The following CAMTA1 variants were observed in gnomAD, a reference collection of about 807,000 sequenced individuals.
CAMTA1 encodes the protein calmodulin binding transcription activator 1.
Under a neutral mutation model 170.9 loss-of-function variants are expected in CAMTA1, and 27 were observed. That is an observed-to-expected ratio of 0.16 (90% CI 0.12 to 0.22). The LOEUF is 0.22. Among genes scored for constraint, CAMTA1 ranks in the 10% least tolerant of loss-of-function variants. The pLI, the probability that CAMTA1 is intolerant of heterozygous loss-of-function variation, is 1.00. For missense variants in CAMTA1, 1,619 were observed against 2,217.2 expected (o/e 0.73, Z 5.42); for synonymous variants, 833 against 891.5 (o/e 0.93, Z 1.17).
chr1:7,496,362 G>C (rs2093827244), intron 6 of CAMTA1, among the ~76,000 whole-genome samples: 1 of 152,188 alleles, frequency 6.6e-6, no homozygotes, highest in African/African-American at 2.4e-5. Flanking sequence ...TTGAACAAGG[G>C]TAAGCATGTG....
chr1:7,710,993 G>A (rs146365095), intron 11 of CAMTA1, among the ~76,000 whole-genome samples: 1 of 152,204 alleles, frequency 6.6e-6, no homozygotes, highest in East Asian at 1.9e-4. Flanking sequence ...GCCAAGAATT[G>A]GGCTCTGCGC....
intron 6 of CAMTA1, among the ~76,000 whole-genome samples, chr1:7,541,612 G>A (rs963603249): frequency 2.0e-5 from 3 of 152,240 alleles, no homozygotes; most frequent in African/African-American, 7.2e-5. Flanking sequence ...TTAAGTTATA[G>A]TTTATTAAAG....
chr1:6,816,836 G>A (rs954587518), intron 1 of CAMTA1, among the ~76,000 whole-genome samples: 7 of 152,228 alleles, frequency 4.6e-5, no homozygotes, highest in African/African-American at 1.7e-4. Flanking sequence ...AAGTTGTCCT[G>A]TGAAAGTTCC....
intron 4 of CAMTA1, among the ~76,000 whole-genome samples, chr1:7,102,686 A>G (rs1642884570): frequency 6.6e-6 from 1 of 152,168 alleles, no homozygotes; most frequent in African/African-American, 2.4e-5. Context: ...ATATTTTCAC[A>G]CTGAAAATCC....
intron 11 of CAMTA1, among the ~76,000 whole-genome samples, chr1:7,687,800 G>A (rs1444059517): frequency 6.6e-6 from 1 of 152,134 alleles, no homozygotes; most frequent in Non-Finnish European, 1.5e-5. Context: ...GGGAGCAGGG[G>A]CTCCAGGTGA....
At chr1:7,335,615 G>C (rs1557538562) in intron 5 of CAMTA1, among the ~76,000 whole-genome samples, 1 of 152,168 alleles carries the variant, frequency 6.6e-6, no homozygotes, top group Non-Finnish European at 1.5e-5. Context: ...CCCAGGCAGG[G>C]CTTTCACACA....
intron 3 of CAMTA1, among the ~76,000 whole-genome samples, chr1:6,985,818 T>C (rs2100299395): frequency 6.6e-6 from 1 of 152,318 alleles, no homozygotes; most frequent in South Asian, 2.1e-4. Flanking sequence ...AGATTATAAC[T>C]TCCTTCATTA....
chr1:7,676,946 C>A (rs186761513), intron 10 of CAMTA1, among the ~76,000 whole-genome samples: 3 of 152,284 alleles, frequency 2.0e-5, no homozygotes, highest in African/African-American at 7.2e-5. Flanking sequence ...GGGGCCACAG[C>A]AGTTAACGAG....
intron 6 of CAMTA1, among the ~76,000 whole-genome samples, chr1:7,494,195 G>C (rs1422675872): frequency 1.2e-5 from 1 of 83,300 alleles, no homozygotes; most frequent in South Asian, 3.9e-4. Flanking sequence ...TTTGTTCAGA[G>C]GGGGAAAAAT....
chr1:7,301,349 A>G (rs1238538190), intron 5 of CAMTA1, among the ~76,000 whole-genome samples: 2 of 152,298 alleles, frequency 1.3e-5, no homozygotes, highest in South Asian at 2.1e-4. Context: ...GATAGTTTGG[A>G]AAAATACAGA....
intron 6 of CAMTA1, among the ~76,000 whole-genome samples, chr1:7,601,807 G>A (rs1160456830): frequency 9.2e-5 from 14 of 152,294 alleles, no homozygotes; most frequent in East Asian, 5.8e-4. Context: ...CAGGCATGGC[G>A]GCGCGCGCCT....
intron 11 of CAMTA1, among the ~76,000 whole-genome samples, chr1:7,699,176 G>A (rs2096411617): frequency 6.6e-6 from 1 of 151,852 alleles, no homozygotes; most frequent in African/African-American, 2.4e-5. Context: ...AAGTTTCTGA[G>A]TGTTTTCACA....
At chr1:7,423,269 G>A (rs1010354368) in intron 5 of CAMTA1, among the ~76,000 whole-genome samples, 1 of 152,106 alleles carries the variant, frequency 6.6e-6, no homozygotes, top group African/African-American at 2.4e-5. Flanking sequence ...TCAGGAGCTC[G>A]AGACTAGCCT....
chr1:7,581,876 C>T (rs2095263645), intron 6 of CAMTA1, among the ~76,000 whole-genome samples: 1 of 152,208 alleles, frequency 6.6e-6, no homozygotes. Context: ...GTCTCCTCAT[C>T]AGTCACCAGA....
At chr1:6,908,909 A>AT (rs1311596136) in intron 3 of CAMTA1, among the ~76,000 whole-genome samples, 1 of 152,230 alleles carries the variant, frequency 6.6e-6, no homozygotes, top group Non-Finnish European at 1.5e-5. Context: ...CATCTTCAGA[A>AT]TCACACATGA....
chr1:7,744,812 G>A (rs778030698), intron 16 of CAMTA1, 23 bp from the exon 17 acceptor site: 4 of 1,604,740 alleles, frequency 2.5e-6, no homozygotes, highest in African/African-American at 1.3e-5. Context: ...TAACCTGAGT[G>A]TTCTGTGAAC....
intron 4 of CAMTA1, among the ~76,000 whole-genome samples, chr1:7,105,575 A>T (rs1643494526): frequency 6.6e-6 from 1 of 152,196 alleles, no homozygotes; most frequent in African/African-American, 2.4e-5. Context: ...ATTGGAACAC[A>T]GTTTATTATT....
intron 3 of CAMTA1, among the ~76,000 whole-genome samples, chr1:6,955,030 C>T (rs143173836): frequency 1.4e-4 from 21 of 152,164 alleles, no homozygotes; most frequent in African/African-American, 4.6e-4. Context: ...TGTCTCCGGA[C>T]CTTCAATTTT....
intron 3 of CAMTA1, among the ~76,000 whole-genome samples, chr1:7,038,805 C>T (rs555910021): frequency 2.0e-5 from 3 of 152,210 alleles, no homozygotes; most frequent in South Asian, 4.2e-4. Flanking sequence ...TTTGGGAGGC[C>T]GAGGTGGGCA....
Sources: allele counts gnomAD v4.1 joint callset (sites outside exome capture counted in the v4.1 genomes callset), GRCh38; gene constraint gnomAD v4.1.1; transcripts MANE v1.5; gene names NCBI Gene and HGNC (gene_info 2026-07-23, HGNC 2026-07-21).